Variants in LAMC1 observed in about 807,000 individuals in gnomAD.
LAMC1 encodes laminin subunit gamma 1.
In LAMC1, 38 loss-of-function variants were observed where a neutral mutation model predicts 173.6. The ratio of observed to expected loss-of-function variants is 0.22; its 90% CI spans 0.17 to 0.29. LAMC1 has a LOEUF of 0.29. Among genes scored for constraint, LAMC1 ranks in the 10% least tolerant of loss-of-function variants. The pLI, the probability that LAMC1 is intolerant of heterozygous loss-of-function variation, is 1.00. For missense variants in LAMC1, 1,824 were observed against 2,051.8 expected (o/e 0.89, Z 2.14); for synonymous variants, 746 against 749.1 (o/e 1.00, Z 0.07).
At chr1:183,121,606 G>C in intron 11 of LAMC1, 117 bp from the exon 12 acceptor site, 1 of 797,542 alleles carries the variant, frequency 1.3e-6, no homozygotes, top group Non-Finnish European at 2.0e-6. Flanking sequence ...GCCCAGTTAA[G>C]CAAATGGCTA....
chr1:183,042,972 A>T (rs1208091444), intron 1 of LAMC1, among the ~76,000 whole-genome samples: 1 of 152,174 alleles, frequency 6.6e-6, no homozygotes, highest in East Asian at 1.9e-4. Context: ...GACCAATCAG[A>T]GCTGTTTTAA....
chr1:183,128,892 A>G, intron 18 of LAMC1, 142 bp downstream of exon 18: 1 of 587,104 alleles, frequency 1.7e-6, no homozygotes, highest in South Asian at 6.6e-5. Context: ...TTCATTTTTT[A>G]AACACTAATT....
Position 183,036,096 on chromosome 1 carries a change from C to CT in LAMC1, c.418+11982dup, listed in dbSNP as rs35129932. Among the ~76,000 whole-genome samples, 1,034 of 137,398 alleles carry CT rather than the reference C, an allele frequency of 7.5e-3. 14 individuals carry two copies. Among genetic ancestry groups the CT allele is most frequent in the Non-Finnish European group, 0.013 (814 of 64,380 alleles). The allele number at this position is 137,398 out of a possible 152,430, so 90.1% of individuals were successfully genotyped here. A position where few individuals can be genotyped will look rare whatever the true frequency, so the allele number is the denominator to read the frequency against. On this transcript the variant is annotated intron_variant, in intron 1 of 27. Coordinates refer to ENST00000258341, the MANE Select transcript of LAMC1 (RefSeq NM_002293.4). Reference sequence around the variant, plus strand: ...CTCACACTTTGTGCTTGAATGAATTCTTTTTTTTTTTTTTTTTTTTAAGAC... The same window carrying CT: ...CTCACACTTTGTGCTTGAATGAATTCTTTTTTTTTTTTTTTTTTTTTAAGAC...
intron 22 of LAMC1, among the ~76,000 whole-genome samples, chr1:183,134,088 T>C (rs1316800058): frequency 6.6e-6 from 1 of 152,156 alleles, no homozygotes; most frequent in Non-Finnish European, 1.5e-5. Context: ...ATTTTGGAAT[T>C]GGTAGGATTT....
chr1:183,132,393 T>C lies in LAMC1; in HGVS notation c.3567-7T>C. The C allele has an allele frequency of 6.2e-7, 1 of 1,606,862 alleles. No individual in the cohort carries two copies. Among genetic ancestry groups the C allele is most frequent in the Non-Finnish European group, 8.5e-7 (1 of 1,175,924 alleles). ...TTCATGGCTTATTTTTTGTTTTATC[T>C]GTATAGTCATAAACAGGAAGCTGAT... On this transcript the variant is annotated splice_region_variant and splice_polypyrimidine_tract_variant and intron_variant, in intron 20 of 27. Coordinates refer to ENST00000258341, the MANE Select transcript of LAMC1 (RefSeq NM_002293.4).
intron 1 of LAMC1, among the ~76,000 whole-genome samples, chr1:183,062,291 A>G (rs1376476432): frequency 6.6e-6 from 1 of 152,226 alleles, no homozygotes; most frequent in African/African-American, 2.4e-5. Context: ...AACATGATAA[A>G]AATTACAATG....
At chr1:183,089,785 C>T (rs1286295628) in intron 1 of LAMC1, among the ~76,000 whole-genome samples, 8 of 152,152 alleles carry the variant, frequency 5.3e-5, no homozygotes, top group Admixed American at 1.3e-4. Context: ...AGTTTTTAAT[C>T]TAAGTCATAT....
At chr1:183,133,383 A>G in intron 21 of LAMC1, 23 bp from the exon 22 acceptor site, 1 of 1,598,466 alleles carries the variant, frequency 6.3e-7, no homozygotes, top group Non-Finnish European at 8.6e-7. Flanking sequence ...GATTGTCATT[A>G]AACCACATTA....
At chr1:183,129,325 T>C (rs2102100897) in intron 18 of LAMC1, among the ~76,000 whole-genome samples, 1 of 152,196 alleles carries the variant, frequency 6.6e-6, no homozygotes, top group Middle Eastern at 3.4e-3. Context: ...CCTGACCTCG[T>C]GATTTGCCCA....
chr1:183,050,389 C>G (rs1178421706), intron 1 of LAMC1, among the ~76,000 whole-genome samples: 1 of 148,658 alleles, frequency 6.7e-6, no homozygotes, highest in Non-Finnish European at 1.5e-5. Flanking sequence ...TCACGCCATT[C>G]TCCTGCCTCA....
intron 1 of LAMC1, among the ~76,000 whole-genome samples, chr1:183,035,792 T>C (rs1653964765): frequency 6.6e-6 from 1 of 152,200 alleles, no homozygotes; most frequent in African/African-American, 2.4e-5. Context: ...AGATGTTACC[T>C]GTAACCAGAT....
rs1399606000 is a variant in LAMC1 at position 183,127,345 on chromosome 1, A to G, written c.3064A>G (p.Asn1022Asp). The change falls in exon 17 of 28, where the codon AAT becomes GAT. Residue 1022 changes from asparagine to aspartate, a missense_variant. Asn to Asp is a conservative substitution (Grantham distance 23). Coordinates refer to ENST00000258341, the MANE Select transcript of LAMC1 (RefSeq NM_002293.4). ...CCAGTGTGAAGAAAACTATTTCTAC[A>G]ATCGGTCTTGGCCTGGCTGCCAGGA... Reference protein sequence around the residue: ...CDQCEENYFYNRSWPGCQECP... With the variant: ...CDQCEENYFYDRSWPGCQECP... 1 of 1,614,180 alleles carries G rather than the reference A, an allele frequency of 6.2e-7. No individual in the cohort carries two copies. Among genetic ancestry groups the G allele is most frequent in the Admixed American group, 1.7e-5 (1 of 60,024 alleles).
At chr1:183,116,968 A>G (rs1014856018) in intron 8 of LAMC1, 65 bp downstream of exon 8, 5 of 1,491,170 alleles carry the variant, frequency 3.4e-6, no homozygotes, top group Admixed American at 1.9e-5. Context: ...ATTTTTAAAA[A>G]TAAAATCAGT....
intron 1 of LAMC1, among the ~76,000 whole-genome samples, chr1:183,027,727 G>C (rs1233280997): frequency 6.6e-6 from 1 of 152,192 alleles, no homozygotes; most frequent in Non-Finnish European, 1.5e-5. Flanking sequence ...GTGTGTTTAA[G>C]TTAGAATAAT....
intron 2 of LAMC1, among the ~76,000 whole-genome samples, chr1:183,105,281 G>A (rs1315463686): frequency 6.7e-6 from 1 of 148,658 alleles, no homozygotes; most frequent in Non-Finnish European, 1.5e-5. Flanking sequence ...GCAGAAGACC[G>A]AATGCCCAGT....
intron 1 of LAMC1, among the ~76,000 whole-genome samples, chr1:183,072,673 A>G (rs1030083695): frequency 1.3e-5 from 2 of 152,228 alleles, no homozygotes; most frequent in Non-Finnish European, 2.9e-5. Context: ...TGGGCTGCAC[A>G]GCAGGAGGGG....
intron 1 of LAMC1, among the ~76,000 whole-genome samples, chr1:183,066,846 C>G (rs1654885816): frequency 6.6e-6 from 1 of 152,046 alleles, no homozygotes; most frequent in Non-Finnish European, 1.5e-5. Flanking sequence ...AGGAGAAATA[C>G]CTAATGTAGA....
chr1:183,129,252 T>C (rs34105373), intron 18 of LAMC1, among the ~76,000 whole-genome samples: 53,695 of 148,684 alleles, frequency 0.36, 10,576 homozygotes, highest in East Asian at 0.49. Context: ...ATGCCCGGGG[T>C]AATTTTTTTG....
At position 183,140,389 on chromosome 1, in the gene LAMC1, A is replaced by G; in HGVS notation, c.4474-15A>G. 6.3e-7 allele frequency: 1 copy of G among 1,581,368 alleles called. No individual in the cohort carries two copies. Among genetic ancestry groups the G allele is most frequent in the Non-Finnish European group, 8.7e-7 (1 of 1,153,624 alleles). ...ACATACAGTCAAGACTCTTTGCCTCATTTTTCCCTTACAGGCTTCACAGGC... is the reference window on the plus strand; with the variant it reads ...ACATACAGTCAAGACTCTTTGCCTCGTTTTTCCCTTACAGGCTTCACAGGC... On this transcript the variant is annotated splice_polypyrimidine_tract_variant and intron_variant, in intron 26 of 27. Coordinates refer to ENST00000258341, the MANE Select transcript of LAMC1 (RefSeq NM_002293.4).
Sources: allele counts gnomAD v4.1 joint callset (sites outside exome capture counted in the v4.1 genomes callset), GRCh38; gene constraint gnomAD v4.1.1; transcripts MANE v1.5; gene names NCBI Gene and HGNC (gene_info 2026-07-23, HGNC 2026-07-21).